The following MAGI2 variants were observed in gnomAD, a reference collection of about 807,000 sequenced individuals.
The protein encoded by MAGI2 is membrane-associated guanylate kinase, WW and PDZ domain-containing protein 2.
A neutral mutation model predicts 133.3 loss-of-function variants in MAGI2; 35 were observed. That is an observed-to-expected ratio of 0.26 (90% confidence interval 0.20 to 0.35). The LOEUF (loss-of-function observed/expected upper bound fraction) is 0.35. Among genes scored for constraint, MAGI2 ranks in the 10% least tolerant of loss-of-function variants. The pLI, the probability that MAGI2 is intolerant of heterozygous loss-of-function variation, is 1.00. For missense variants in MAGI2, 1,636 were observed against 1,863.4 expected (o/e 0.88, Z 2.25); for synonymous variants, 729 against 710.6 (o/e 1.03, Z -0.41).
In MAGI2 at chr7:79,430,366, C is replaced by A. The variant is rs577215286; in HGVS notation, c.301+22654G>T. Among the ~76,000 whole-genome samples the A allele has an allele frequency of 3.9e-5, 6 of 152,222 alleles. No homozygotes were observed. The South Asian group carries it at 1.2e-3, about 32-fold the overall frequency. On this transcript the variant is annotated intron_variant, in intron 1 of 21. Transcript: ENST00000354212. ...ATTTAATGCCTTTATTCCCTGATTT[C>A]CACTCCTTCTGAATCCTCAAATTTA...
At chr7:78,923,484 G>T (rs980902774) in intron 2 of MAGI2, among the ~76,000 whole-genome samples, 2 of 152,234 alleles carry the variant, frequency 1.3e-5, no homozygotes, top group African/African-American at 4.8e-5. Flanking sequence ...TCTCAGGTTT[G>T]TCAAAGATCA....
intron 1 of MAGI2, among the ~76,000 whole-genome samples, chr7:79,284,434 C>G (rs1030926421): frequency 6.6e-6 from 1 of 152,046 alleles, no homozygotes; most frequent in African/African-American, 2.4e-5. Flanking sequence ...GTCCTGGGCA[C>G]CCCACTAGAC....
At chr7:78,547,493 T>A (rs1166059797) in intron 3 of MAGI2, among the ~76,000 whole-genome samples, 1 of 152,174 alleles carries the variant, frequency 6.6e-6, no homozygotes, top group Non-Finnish European at 1.5e-5. Flanking sequence ...GACAACAATT[T>A]GTATTCATTC....
chr7:78,686,558 T>TG (rs920969065), intron 2 of MAGI2, among the ~76,000 whole-genome samples: 3 of 72,168 alleles, frequency 4.2e-5, no homozygotes, highest in South Asian at 4.7e-4. Context: ...AGGAGGAAAG[T>TG]GGAAAAAAAA....
chr7:79,201,531 T>C (rs1280146277), intron 1 of MAGI2, among the ~76,000 whole-genome samples: 2 of 151,916 alleles, frequency 1.3e-5, no homozygotes, highest in African/African-American at 4.8e-5. Context: ...TGCTTTTTGT[T>C]TGTTTTTTTA....
At chr7:78,625,889 C>G (rs1808289339) in intron 3 of MAGI2, among the ~76,000 whole-genome samples, 1 of 152,126 alleles carries the variant, frequency 6.6e-6, no homozygotes, top group African/African-American at 2.4e-5. Context: ...CAGTACATAG[C>G]CTAGAATGTG....
chr7:78,518,009 A>C (rs755269240), intron 4 of MAGI2: 21 of 152,172 alleles, frequency 1.4e-4, no homozygotes, highest in Non-Finnish European at 2.6e-4. Flanking sequence ...AAGATGAAAA[A>C]AAAAAATAGG....
intron 7 of MAGI2, among the ~76,000 whole-genome samples, chr7:78,356,777 G>A (rs1422494087): frequency 6.6e-6 from 1 of 152,084 alleles, no homozygotes; most frequent in East Asian, 1.9e-4. Flanking sequence ...CCAAACCTTG[G>A]ACACCAACAA....
chr7:78,733,301 C>G (rs1195121866), intron 2 of MAGI2, among the ~76,000 whole-genome samples: 4 of 152,090 alleles, frequency 2.6e-5, no homozygotes, highest in African/African-American at 4.8e-5. Context: ...ACTTCACTAG[C>G]CAAATGATTT....
chr7:79,143,379 T>C (rs1362666152), intron 1 of MAGI2, among the ~76,000 whole-genome samples: 1 of 152,230 alleles, frequency 6.6e-6, no homozygotes, highest in East Asian at 1.9e-4. Flanking sequence ...GATGAAACTA[T>C]GCAAACACAG....
At chr7:78,063,896 T>C (rs1813538393) in intron 21 of MAGI2, among the ~76,000 whole-genome samples, 4 of 152,166 alleles carry the variant, frequency 2.6e-5, no homozygotes, top group African/African-American at 7.2e-5. Context: ...AATCTTTATA[T>C]CCCTAGCAAT....
chr7:78,492,824 C>T (rs1793744552), intron 5 of MAGI2, among the ~76,000 whole-genome samples: 1 of 152,174 alleles, frequency 6.6e-6, no homozygotes, highest in South Asian at 2.1e-4. Flanking sequence ...TTAACAGAGA[C>T]ACATACACAT....
intron 3 of MAGI2, among the ~76,000 whole-genome samples, chr7:78,573,700 A>C (rs1801972460): frequency 6.6e-6 from 1 of 150,758 alleles, no homozygotes; most frequent in Non-Finnish European, 1.5e-5. Context: ...AAATTGGATT[A>C]GAAAAAAAAA....
intron 2 of MAGI2, among the ~76,000 whole-genome samples, chr7:78,983,345 C>A (rs1804949453): frequency 6.6e-6 from 1 of 151,916 alleles, no homozygotes; most frequent in African/African-American, 2.4e-5. Context: ...TATTATAAAA[C>A]TACTGTTCTA....
At chr7:79,266,368 C>T (rs951693836) in intron 1 of MAGI2, among the ~76,000 whole-genome samples, 2 of 151,754 alleles carry the variant, frequency 1.3e-5, no homozygotes, top group Non-Finnish European at 2.9e-5. Flanking sequence ...GCTAAAGATA[C>T]CCTTATTTTT....
intron 1 of MAGI2, among the ~76,000 whole-genome samples, chr7:79,046,473 A>C (rs752181599): frequency 2.6e-5 from 4 of 152,236 alleles, no homozygotes; most frequent in Non-Finnish European, 5.9e-5. Context: ...GAAGTCACCC[A>C]GTTTGGCGCT....
At chr7:79,073,662 A>T (rs1248518332) in intron 1 of MAGI2, among the ~76,000 whole-genome samples, 3 of 151,950 alleles carry the variant, frequency 2.0e-5, no homozygotes, top group Non-Finnish European at 4.4e-5. Context: ...TTAAAAACAG[A>T]ATTATGATAC....
intron 14 of MAGI2, among the ~76,000 whole-genome samples, chr7:78,177,676 TG>T (rs1826788291): frequency 6.6e-6 from 1 of 152,174 alleles, no homozygotes; most frequent in African/African-American, 2.4e-5. Context: ...TGTTCCCAGG[TG>T]GGTGTTACCT....
chr7:78,083,022 T>G (rs10243813), intron 20 of MAGI2, among the ~76,000 whole-genome samples: 9,213 of 151,384 alleles, frequency 0.061, 361 homozygotes, highest in African/African-American at 0.11. Context: ...CAGCAGGAGG[T>G]GGGGCAAGGG....
Sources: gnomAD v4.1 joint callset for allele counts (sites outside exome capture counted in the v4.1 genomes callset) on GRCh38, gnomAD v4.1.1 for gene constraint, MANE v1.5 for transcripts, NCBI Gene and HGNC (gene_info 2026-07-23, HGNC 2026-07-21) for gene names.